SATL1: variants seen among roughly 807,000 people sequenced by gnomAD.
SATL1 encodes spermidine/spermine N1-acetyl transferase like 1.
In SATL1, 47 loss-of-function variants were observed where a neutral mutation model predicts 51.8. The ratio of observed to expected loss-of-function variants is 0.91; its 90% CI spans 0.72 to 1.16. The LOEUF is 1.16. Ranked by LOEUF, SATL1 falls within the 50% of genes most tolerant of loss-of-function variation. SATL1 has a pLI of 0.00. For synonymous variants in SATL1, 176 were observed against 182.4 expected, an observed-to-expected ratio of 0.97 and a Z score of 0.28; for missense variants, 520 against 526.4, an observed-to-expected ratio of 0.99 and a Z score of 0.12.
intron 7 of SATL1, chrX:85,092,772 C>A: frequency 2.7e-6 from 1 of 375,964 alleles, no homozygotes; most frequent in Non-Finnish European, 4.5e-6. Flanking sequence ...AATCTCAAAA[C>A]TGATTTGCAA....
At chrX:85,110,594 C>T (rs1925237037) in intron 2 of SATL1, among the ~76,000 whole-genome samples, 1 of 110,888 alleles carries the variant, frequency 9.0e-6, no homozygotes, top group South Asian at 3.9e-4. Context: ...TAACTCAGTT[C>T]CCCAAGTGTA....
chrX:85,156,094 C>T (rs1233675259), intron 2 of SATL1, among the ~76,000 whole-genome samples: 3 of 110,539 alleles, frequency 2.7e-5, no homozygotes, highest in Non-Finnish European at 3.8e-5. Flanking sequence ...TAAGTTTTAG[C>T]GTTTTTATAA....
chrX:85,161,860 AT>A (rs1251174986), intron 2 of SATL1, among the ~76,000 whole-genome samples: 1 of 111,153 alleles, frequency 9.0e-6, no homozygotes, highest in African/African-American at 3.3e-5. Flanking sequence ...CAGAATATAT[AT>A]TTTTCTAATT....
chrX:85,126,286 C>T (rs765732847), intron 2 of SATL1, among the ~76,000 whole-genome samples: 1 of 111,461 alleles, frequency 9.0e-6, no homozygotes, highest in South Asian at 3.8e-4. Flanking sequence ...CTTTGTCAGT[C>T]CTTCCTGTGG....
chrX:85,143,207 G>T (rs756985974), intron 2 of SATL1, among the ~76,000 whole-genome samples: 2 of 112,008 alleles, frequency 1.8e-5, no homozygotes, highest in Non-Finnish European at 3.8e-5. Context: ...TACACAATTC[G>T]TGCATGTTCC....
intron 1 of SATL1, among the ~76,000 whole-genome samples, chrX:85,243,087 T>C (rs1928671553): frequency 8.9e-6 from 1 of 112,380 alleles, no homozygotes; most frequent in African/African-American, 3.2e-5. Flanking sequence ...ACTTTAGTGG[T>C]ATATTAGGTT....
chrX:85,161,086 A>G (rs757833109), intron 2 of SATL1, among the ~76,000 whole-genome samples: 3 of 111,886 alleles, frequency 2.7e-5, no homozygotes, highest in Non-Finnish European at 5.6e-5. Flanking sequence ...CAAAGGAAAA[A>G]TAAGATTCTT....
chrX:85,102,220 C>G (rs1420932256), intron 4 of SATL1, among the ~76,000 whole-genome samples: 13 of 107,747 alleles, frequency 1.2e-4, no homozygotes, highest in African/African-American at 4.1e-4. Context: ...TCTCCTAATG[C>G]TATCCTTCCC....
intron 2 of SATL1, chrX:85,156,322 G>C (rs1344298987): frequency 9.0e-6 from 1 of 111,284 alleles, no homozygotes; most frequent in Non-Finnish European, 1.9e-5. Flanking sequence ...ATGTGCCAGA[G>C]AACAGAGGCG....
Position 85,197,426 on chromosome X carries a change from G to T in SATL1, c.-313+26779C>A, listed in dbSNP as rs182727422. ...AGTTATTTTTAAAAGTACAATAAAT[G>T]ATTGTTGGCTGTAGTCACTCTGTTA... On this transcript the variant is annotated intron_variant, in intron 2 of 7. Transcript: ENST00000644105. Among the ~76,000 whole-genome samples, 10 of 110,636 alleles carry T rather than the reference G, an allele frequency of 9.0e-5. No homozygotes were observed. In the Admixed American group the frequency reaches 9.7e-4, roughly 11 times the overall value.
rs1020272003 is a variant in SATL1 at position 85,116,609 on chromosome X, T to C, written c.-312-7329A>G. ...CCAGTTAGACTCCACCATTTTGCCT[T>C]ATAATGTGTATGCTTGAGCCCACTC... is the stretch of plus-strand genomic sequence containing the variant. On this transcript the variant is annotated intron_variant, in intron 2 of 7. Transcript: ENST00000644105. Among the ~76,000 whole-genome samples, 3 of 111,286 alleles carry C rather than the reference T, an allele frequency of 2.7e-5. No individual in the cohort carries two copies. In the Admixed American group the frequency reaches 2.9e-4, roughly 11 times the overall value.
Position 85,107,950 on chromosome X carries a change from A to T in SATL1, c.1019T>A (p.Val340Asp). ...GMWPQSLSEL[V>D]LSEASISQPG... Reference sequence around the variant, plus strand: ...TTGGCTTATGCTTGCTTCACTCAGGACTAGTTCGCTCAGGCTTTGTGGCCA... The same window carrying T: ...TTGGCTTATGCTTGCTTCACTCAGGTCTAGTTCGCTCAGGCTTTGTGGCCA... The change falls in exon 3 of 8, where the codon GTC becomes GAC. Residue 340 changes from valine to aspartate, a missense_variant. Val to Asp is a radical substitution (Grantham distance 152, BLOSUM62 -3). Transcript: ENST00000644105. The T allele has an allele frequency of 8.3e-7, 1 of 1,199,777 alleles. No individual in the cohort carries two copies. The highest frequency in any genetic ancestry group is 1.8e-5 in the South Asian group (1 of 56,524).
intron 2 of SATL1, among the ~76,000 whole-genome samples, chrX:85,143,773 G>T (rs992184432): frequency 9.6e-4 from 107 of 110,928 alleles, no homozygotes; most frequent in African/African-American, 3.5e-3. Context: ...AAAATTCTAT[G>T]GACCAGTAAC....
In SATL1 at chrX:85,103,893, A is replaced by G. The variant is rs143091162; in HGVS notation, c.1664T>C (p.Met555Thr). Reference protein sequence around the residue: ...LIKELAACENMLDAMELTAAD... With the variant: ...LIKELAACENTLDAMELTAAD... ...TGCTGTTAACTCCATTGCATCTAGC[A>G]TGTTTTCACAGGCAGCCAATTCCTG... is the stretch of plus-strand genomic sequence containing the variant. The change falls in exon 4 of 8, where the codon ATG becomes ACG. Residue 555 changes from methionine (M) to threonine (T), a missense_variant. By Grantham distance (81) the Met-to-Thr change is moderately conservative. Transcript: ENST00000644105. 2.2e-5 allele frequency: 26 copies of G among 1,192,110 alleles called. No individual in the cohort carries two copies. Among genetic ancestry groups the G allele is most frequent in the Non-Finnish European group, 2.8e-5 (25 of 880,030 alleles).
intron 2 of SATL1, among the ~76,000 whole-genome samples, chrX:85,202,796 C>T (rs1927712648): frequency 8.9e-6 from 1 of 111,849 alleles, no homozygotes; most frequent in African/African-American, 3.2e-5. Flanking sequence ...GCCTCCTCTC[C>T]TTGGGTCAAC....
intron 2 of SATL1, among the ~76,000 whole-genome samples, chrX:85,152,621 G>A (rs1284176816): frequency 9.0e-6 from 1 of 111,614 alleles, no homozygotes. Context: ...TATACACCAT[G>A]GAATACTATG....
At chrX:85,172,755 C>CATAG (rs200731525) in intron 2 of SATL1, among the ~76,000 whole-genome samples, 11,884 of 110,343 alleles carry the variant, frequency 0.11, 566 homozygotes, top group South Asian at 0.17. Context: ...TGTATGACAT[C>CATAG]ATAGATAACA....
intron 5 of SATL1, among the ~76,000 whole-genome samples, chrX:85,094,693 G>C (rs1387102881): frequency 4.5e-5 from 5 of 111,646 alleles, no homozygotes; most frequent in Admixed American, 1.9e-4. Flanking sequence ...AGTGAGTCAT[G>C]ATCATGCCAC....
chrX:85,135,442 T>C (rs1383200294), intron 2 of SATL1, among the ~76,000 whole-genome samples: 5 of 111,397 alleles, frequency 4.5e-5, no homozygotes, highest in Non-Finnish European at 7.5e-5. Context: ...TTGGGAAAAT[T>C]ACAACAAAAA....
Sources: gnomAD v4.1 joint callset for allele counts (sites outside exome capture counted in the v4.1 genomes callset) on GRCh38, gnomAD v4.1.1 for gene constraint, MANE v1.5 for transcripts, NCBI Gene and HGNC (gene_info 2026-07-23, HGNC 2026-07-21) for gene names.